Variants in TXNDC16 observed in about 807,000 individuals in gnomAD.
TXNDC16 encodes the protein thioredoxin domain containing 16, also known as thioredoxin domain-containing protein 16.
TXNDC16 carries 74 observed loss-of-function variants against 85.6 expected under a neutral mutation model. That is an observed-to-expected ratio of 0.86 (90% CI 0.72 to 1.05). The LOEUF (loss-of-function observed/expected upper bound fraction) is 1.05, where lower values mean the gene tolerates loss of function less well. TXNDC16 is among the 50% of genes least tolerant of loss of function. The pLI, the probability that TXNDC16 is intolerant of heterozygous loss-of-function variation, is 0.00. For missense variants in TXNDC16, 959 were observed against 947.0 expected, an observed-to-expected ratio of 1.01 and a Z score of -0.17; for synonymous variants, 335 against 326.5, an observed-to-expected ratio of 1.03 and a Z score of -0.28.
intron 14 of TXNDC16, among the ~76,000 whole-genome samples, chr14:52,479,950 A>G (rs2036107886): frequency 6.6e-6 from 1 of 152,212 alleles, no homozygotes; most frequent in South Asian, 2.1e-4. Context: ...ACAGTGTGGT[A>G]CTGGCATAAA....
Position 52,432,236 on chromosome 14 carries a change from T to A in TXNDC16, c.*68A>T. The stretch of plus-strand genomic sequence containing the variant: ...TCTGCAAACTTGAAATGATTTAATA[T>A]TATTCTTTAAGGAAATAAATTAAGT... On this transcript the variant is annotated 3_prime_UTR_variant, in exon 21 of 21. Coordinates refer to ENST00000281741, the MANE Select transcript of TXNDC16 (RefSeq NM_020784.3). The A allele has an allele frequency of 7.2e-7, 1 of 1,385,380 alleles. No homozygotes were observed. Among genetic ancestry groups the A allele is most frequent in the Non-Finnish European group, 9.7e-7 (1 of 1,027,014 alleles). 85.8% of individuals were successfully genotyped at this position (1,385,380 alleles called of 1,614,324 possible).
chr14:52,440,388 A>G (rs993505166), intron 19 of TXNDC16, among the ~76,000 whole-genome samples, 176 bp downstream of exon 19: 64 of 151,668 alleles, frequency 4.2e-4, no homozygotes, highest in Middle Eastern at 3.4e-3. Flanking sequence ...AATTTAATCT[A>G]AAATAAGGTC....
At chr14:52,483,829 G>A (rs185712981) in intron 12 of TXNDC16, among the ~76,000 whole-genome samples, 27 of 152,300 alleles carry the variant, frequency 1.8e-4, no homozygotes, top group Admixed American at 4.6e-4. Context: ...TCTGTTGGAA[G>A]TTTGTAGAGA....
intron 7 of TXNDC16, among the ~76,000 whole-genome samples, chr14:52,518,672 C>T (rs1207904654): frequency 6.6e-6 from 1 of 151,912 alleles, no homozygotes; most frequent in Non-Finnish European, 1.5e-5. Flanking sequence ...TTGCTCCTTC[C>T]AATCTAAGTT....
At chr14:52,470,749 T>C in intron 14 of TXNDC16, 69 bp from the exon 15 acceptor site, 2 of 1,410,870 alleles carry the variant, frequency 1.4e-6, no homozygotes, top group Non-Finnish European at 1.9e-6. Flanking sequence ...GGATCTTCAG[T>C]ATTTTTCTAT....
intron 20 of TXNDC16, 125 bp from the exon 21 acceptor site, chr14:52,432,712 T>G: frequency 1.0e-6 from 1 of 988,720 alleles, no homozygotes; most frequent in Non-Finnish European, 1.4e-6. Context: ...GTTTTACTTA[T>G]CTAAGCAAAG....
chr14:52,502,754 C>A (rs113591113), intron 9 of TXNDC16, among the ~76,000 whole-genome samples: 1 of 152,100 alleles, frequency 6.6e-6, no homozygotes. Context: ...GCGCACCGAG[C>A]GTGACCCGAA....
intron 18 of TXNDC16, among the ~76,000 whole-genome samples, chr14:52,442,066 GAAAGAAAAA>G (rs1170654660): frequency 6.6e-6 from 1 of 151,630 alleles, no homozygotes; most frequent in Non-Finnish European, 1.5e-5. Context: ...TGAGGGAATT[GAAAGAAAAA>G]AAATAAAAGA....
At chr14:52,485,805 G>A (rs1312419960) in intron 12 of TXNDC16, among the ~76,000 whole-genome samples, 1 of 152,128 alleles carries the variant, frequency 6.6e-6, no homozygotes, top group Non-Finnish European at 1.5e-5. Flanking sequence ...ACTTTATGAT[G>A]TTTGCTCAAT....
At chr14:52,472,323 G>A (rs1256831096) in intron 14 of TXNDC16, among the ~76,000 whole-genome samples, 1 of 151,732 alleles carries the variant, frequency 6.6e-6, no homozygotes, top group African/African-American at 2.4e-5. Context: ...TCAGCCTCCC[G>A]AGTAGCTGGG....
intron 1 of TXNDC16, among the ~76,000 whole-genome samples, chr14:52,551,661 A>G (rs1309707202): frequency 2.0e-5 from 3 of 149,674 alleles, no homozygotes. Context: ...TCCAAATAGG[A>G]AAAAAAAAAG....
rs147641850 is a variant in TXNDC16 at position 52,488,480 on chromosome 14, G to A, written c.991C>T (p.Pro331Ser). Residue 331 changes from proline (P) to serine (S), a missense_variant, in exon 12 of 21, where the codon CCA (proline) becomes TCA (serine). Physicochemically the swap from Pro to Ser is moderately conservative, Grantham distance 74 (BLOSUM62 -1). Coordinates refer to ENST00000281741, the MANE Select transcript of TXNDC16 (RefSeq NM_020784.3). The part of the protein sequence containing the change: ...VVFKRAEEGV[P>S]VEFLVLHDVD... ...TCATGTAATACCAAAAATTCCACTGGAACTCCCTAGAAATACATTAATTTT... is the reference window on the plus strand; with the variant it reads ...TCATGTAATACCAAAAATTCCACTGAAACTCCCTAGAAATACATTAATTTT... The A allele has an allele frequency of 7.3e-4, 1,154 of 1,591,378 alleles. 4 individuals are homozygous for A. Among genetic ancestry groups the A allele is most frequent in the Middle Eastern group, 1.0e-3 (6 of 6,018 alleles).
intron 12 of TXNDC16, among the ~76,000 whole-genome samples, chr14:52,486,424 C>T (rs1166899356): frequency 2.0e-5 from 3 of 151,878 alleles, no homozygotes; most frequent in African/African-American, 4.8e-5. Flanking sequence ...GCTGGGATTA[C>T]AGGCACATAC....
intron 8 of TXNDC16, among the ~76,000 whole-genome samples, chr14:52,512,809 C>CTTT (rs2036988191): frequency 6.6e-6 from 1 of 152,166 alleles, no homozygotes; most frequent in African/African-American, 2.4e-5. Flanking sequence ...CATATTAACA[C>CTTT]TTTTCAGCTC....
chr14:52,521,757 T>C (rs1170751762), intron 6 of TXNDC16, among the ~76,000 whole-genome samples: 2 of 152,220 alleles, frequency 1.3e-5, no homozygotes, highest in Non-Finnish European at 2.9e-5. Context: ...AAGAAATACT[T>C]ACTGAGCAGT....
In TXNDC16 at chr14:52,455,433, G is replaced by T. The variant is rs139440406; in HGVS notation, c.1733C>A (p.Ala578Asp). ...LSTKYAASLP[A>D]LLLARHTEGK... ...TTCTGTGTGTCTGGCAAGCAGCAGG[G>T]CTGGAAGACTTGCAGCATATTTGGT... is the stretch of plus-strand genomic sequence containing the variant. Residue 578 changes from alanine (A) to aspartate (D), a missense_variant, in exon 18 of 21, where the codon GCC (alanine) becomes GAC (aspartate). Coordinates refer to ENST00000281741, the MANE Select transcript of TXNDC16 (RefSeq NM_020784.3). 2 of 1,613,998 alleles carry T rather than the reference G, an allele frequency of 1.2e-6. No individual in the cohort carries two copies. The highest frequency in any genetic ancestry group is 1.7e-5 in the Admixed American group (1 of 59,992).
At chr14:52,541,168 G>A (rs570031250) in intron 4 of TXNDC16, among the ~76,000 whole-genome samples, 5 of 151,948 alleles carry the variant, frequency 3.3e-5, no homozygotes, top group South Asian at 2.1e-4. Flanking sequence ...CCTGGGAGGC[G>A]GAGGTTGCAG....
intron 20 of TXNDC16, among the ~76,000 whole-genome samples, chr14:52,435,842 G>T (rs2140098191): frequency 6.6e-6 from 1 of 152,054 alleles, no homozygotes; most frequent in East Asian, 1.9e-4. Context: ...AGCCAGGCTT[G>T]GTGGTGCATG....
At chr14:52,488,058 G>GT (rs1385384085) in intron 12 of TXNDC16, among the ~76,000 whole-genome samples, 1 of 152,220 alleles carries the variant, frequency 6.6e-6, no homozygotes, top group Non-Finnish European at 1.5e-5. Flanking sequence ...TCTAAGTAGA[G>GT]TTTTTAAACA....
Sources: gnomAD v4.1 joint callset for allele counts (sites outside exome capture counted in the v4.1 genomes callset) on GRCh38, gnomAD v4.1.1 for gene constraint, MANE v1.5 for transcripts, NCBI Gene and HGNC (gene_info 2026-07-23, HGNC 2026-07-21) for gene names.